MPRIP: variants seen among roughly 807,000 people sequenced by gnomAD.
MPRIP encodes the protein myosin phosphatase Rho-interacting protein.
Under a neutral mutation model 234.9 loss-of-function variants are expected in MPRIP, and 59 were observed. The ratio of observed to expected loss-of-function variants is 0.25; its 90% confidence interval spans 0.20 to 0.31. The LOEUF (loss-of-function observed/expected upper bound fraction) is 0.31. MPRIP is among the 10% of genes least tolerant of loss of function. The pLI is 1.00. For synonymous variants in MPRIP, 1,144 were observed against 1,263.9 expected (o/e 0.91, Z 2.01); for missense variants, 2,436 against 3,071.0 (o/e 0.79, Z 4.89).
At chr17:17,144,071 A>C (rs2045402109) in intron 9 of MPRIP, among the ~76,000 whole-genome samples, 1 of 152,164 alleles carries the variant, frequency 6.6e-6, no homozygotes, top group Non-Finnish European at 1.5e-5. Flanking sequence ...GTCATGCCTC[A>C]AGTGGAAGAG....
chr17:17,143,445 C>A (rs113799145), intron 8 of MPRIP, 111 bp from the exon 9 acceptor site: 4 of 626,412 alleles, frequency 6.4e-6, no homozygotes, highest in Non-Finnish European at 1.0e-5. Flanking sequence ...CACTGCCCCT[C>A]GCCAGGAGCA....
intron 2 of MPRIP, chr17:17,076,218 C>T (rs1042866437): frequency 6.4e-6 from 1 of 155,868 alleles, no homozygotes; most frequent in Non-Finnish European, 1.4e-5. Context: ...CTTGGCTTAC[C>T]TCTTACTAAA....
chr17:17,185,820 TAAGTC>T lies in MPRIP; in HGVS notation c.*930_*934del, dbSNP rs932769583. 6.3e-5 allele frequency: 20 copies of T among 319,766 alleles called. No homozygotes were observed. The highest frequency in any genetic ancestry group is 3.7e-4 in the African/African-American group (17 of 45,534). The allele number at this position is 319,766 out of a possible 1,614,324, so 19.8% of individuals were successfully genotyped here. A position where few individuals can be genotyped will look rare whatever the true frequency, so the allele number is the denominator to read the frequency against. ...GAAAAGGTTGAGAGGAGACCCCTGTTAAGTCAAGAAGAAAGTACAGAGGATGTCAG... is the reference window on the plus strand; with the variant it reads ...GAAAAGGTTGAGAGGAGACCCCTGTTAAGAAGAAAGTACAGAGGATGTCAG... On this transcript the variant is annotated 3_prime_UTR_variant, in exon 24 of 24. Transcript: ENST00000651222.
At chr17:17,081,993 A>G (rs901268150) in intron 3 of MPRIP, among the ~76,000 whole-genome samples, 2 of 152,164 alleles carry the variant, frequency 1.3e-5, no homozygotes, top group African/African-American at 4.8e-5. Flanking sequence ...GGAGTGGACA[A>G]AGCAACAATC....
At chr17:17,171,421 C>T (rs1287286881) in intron 16 of MPRIP, 3 of 305,546 alleles carry the variant, frequency 9.8e-6, no homozygotes, top group Non-Finnish European at 1.8e-5. Context: ...TTCATAGCAG[C>T]CTGTCCCCAC....
At chr17:17,100,495 A>G (rs2089938752) in intron 3 of MPRIP, among the ~76,000 whole-genome samples, 1 of 152,154 alleles carries the variant, frequency 6.6e-6, no homozygotes, top group African/African-American at 2.4e-5. Context: ...GTGCCCAGGC[A>G]GGTCCATGGC....
intron 1 of MPRIP, 66 bp downstream of exon 1, chr17:17,043,037 G>C: frequency 6.8e-7 from 1 of 1,476,518 alleles, no homozygotes; most frequent in Non-Finnish European, 9.3e-7. Context: ...CCGGGGCGCC[G>C]CCAAGGGCTG....
intron 16 of MPRIP, among the ~76,000 whole-genome samples, chr17:17,170,409 T>C (rs1047531631): frequency 2.0e-5 from 3 of 152,026 alleles, no homozygotes; most frequent in Admixed American, 6.6e-5. Flanking sequence ...GGAGAGGGGA[T>C]GGGACGCCTA....
chr17:17,055,714 G>A (rs561667491), intron 1 of MPRIP, among the ~76,000 whole-genome samples: 1 of 152,294 alleles, frequency 6.6e-6, no homozygotes, highest in South Asian at 2.1e-4. Context: ...GAAACCCCGT[G>A]AGCCTGGGAG....
chr17:17,094,287 G>A (rs1386278437), intron 3 of MPRIP, among the ~76,000 whole-genome samples: 1 of 152,048 alleles, frequency 6.6e-6, no homozygotes, highest in African/African-American at 2.4e-5. Context: ...ATGTTAGATG[G>A]GACCTAATTT....
chr17:17,057,036 G>T (rs566236866), intron 1 of MPRIP, among the ~76,000 whole-genome samples: 7 of 152,382 alleles, frequency 4.6e-5, no homozygotes, highest in Non-Finnish European at 8.8e-5. Context: ...GAACACAGGT[G>T]TGCGGGCATT....
rs188298399 is a variant in MPRIP at position 17,087,152 on chromosome 17, C to T, written c.267+9076C>T. Among the ~76,000 whole-genome samples the T allele has an allele frequency of 2.6e-3, 391 of 152,288 alleles. 1 individual carries two copies. The highest frequency in any genetic ancestry group is 3.7e-3 in the Non-Finnish European group (251 of 68,022). On this transcript the variant is annotated intron_variant, in intron 3 of 23. Transcript: ENST00000651222. The stretch of plus-strand genomic sequence containing the variant: ...GACTGTGTGGACCAAAAACAGCCAA[C>T]TCCTGAGGGTGACAGTTGGGGGTTC...
At chr17:17,124,398 C>CTG (rs146168895) in intron 3 of MPRIP, among the ~76,000 whole-genome samples, 15 of 151,940 alleles carry the variant, frequency 9.9e-5, no homozygotes, top group Non-Finnish European at 2.1e-4. Flanking sequence ...ACATATGTCT[C>CTG]TGTGTGTGTG....
At position 17,094,467 on chromosome 17, in the gene MPRIP, G is replaced by A. The variant is rs185570871; in HGVS notation, c.267+16391G>A. On this transcript the variant is annotated intron_variant, in intron 3 of 23. Coordinates refer to ENST00000651222, the MANE Select transcript of MPRIP (RefSeq NM_001364716.4). ...GAGTTCTAAAATTTCATGAAGATAT[G>A]CCTTGGTGTGGATTTGTTTTGTTTT... is the stretch of plus-strand genomic sequence containing the variant. 1.8e-3 allele frequency among the ~76,000 whole-genome samples: 268 copies of A among 152,240 alleles called. 3 individuals carry two copies. The highest frequency in any genetic ancestry group is 7.7e-4 in the East Asian group (4 of 5,188).
intron 3 of MPRIP, among the ~76,000 whole-genome samples, chr17:17,122,757 A>G (rs1382360230): frequency 6.6e-6 from 1 of 152,234 alleles, no homozygotes; most frequent in Non-Finnish European, 1.5e-5. Context: ...GTTAGTCCCA[A>G]ACCCTCACGC....
chr17:17,135,861 T>G (rs1456361449), intron 5 of MPRIP, among the ~76,000 whole-genome samples: 1 of 152,206 alleles, frequency 6.6e-6, no homozygotes, highest in Non-Finnish European at 1.5e-5. Context: ...TTTAGCTTCT[T>G]AGGGGCAAAA....
At chr17:17,081,842 A>G (rs949250158) in intron 3 of MPRIP, among the ~76,000 whole-genome samples, 5 of 152,172 alleles carry the variant, frequency 3.3e-5, no homozygotes, top group Non-Finnish European at 7.3e-5. Flanking sequence ...CGTACCCTGT[A>G]ACTGGTGGGT....
At chr17:17,176,139 G>A (rs1044330051) in intron 20 of MPRIP, among the ~76,000 whole-genome samples, 4 of 152,206 alleles carry the variant, frequency 2.6e-5, no homozygotes, top group African/African-American at 7.2e-5. Context: ...CCTGATTCTC[G>A]CGGGCTTGGT....
In MPRIP at chr17:17,042,762, G is replaced by T; in HGVS notation, c.-87G>T. ...GCGGGGCCGGCGAGGGATGCGGCGC[G>T]GCCGCGCTGAGCCCCTAGCCCGCCG... On this transcript the variant is annotated 5_prime_UTR_variant, in exon 1 of 24. Transcript: ENST00000651222. The T allele has an allele frequency of 1.0e-6, 1 of 966,840 alleles. No individual in the cohort carries two copies. Among genetic ancestry groups the T allele is most frequent in the Non-Finnish European group, 1.2e-6 (1 of 818,104 alleles). 59.9% of individuals were successfully genotyped at this position (966,840 alleles called of 1,614,324 possible).
Sources: allele counts gnomAD v4.1 joint callset (sites outside exome capture counted in the v4.1 genomes callset), GRCh38; gene constraint gnomAD v4.1.1; transcripts MANE v1.5; gene names NCBI Gene and HGNC (gene_info 2026-07-23, HGNC 2026-07-21).